TPM1: variants seen among roughly 807,000 people sequenced by gnomAD.
The protein encoded by TPM1 is tropomyosin 1, also known as tropomyosin alpha-1 chain.
In TPM1, 24 loss-of-function variants were observed where a neutral mutation model predicts 42.9. The ratio of observed to expected loss-of-function variants is 0.56; its 90% CI spans 0.41 to 0.79. TPM1 has a LOEUF of 0.79. TPM1 is among the 30% of genes least tolerant of loss of function. TPM1 has a pLI of 0.00. For missense variants in TPM1, 158 were observed against 351.8 expected (o/e 0.45, Z 4.41); for synonymous variants, 136 against 130.1 (o/e 1.05, Z -0.31).
chr15:63,049,705 C>T (rs1447862538), intron 2 of TPM1, among the ~76,000 whole-genome samples: 2 of 152,262 alleles, frequency 1.3e-5, no homozygotes, highest in African/African-American at 2.4e-5. Flanking sequence ...TGGCTGGCCA[C>T]AGAAACTTCA....
downstream of TPM1, among the ~76,000 whole-genome samples, chr15:63,067,326 A>G (rs951589228): frequency 3.3e-5 from 5 of 152,202 alleles, no homozygotes; most frequent in Admixed American, 6.5e-5. Flanking sequence ...AATCTGGACA[A>G]TGTCTCTCCC....
At chr15:63,059,788 C>A in intron 4 of TPM1, 108 bp downstream of exon 4, 2 of 787,558 alleles carry the variant, frequency 2.5e-6, no homozygotes, top group Non-Finnish European at 4.3e-6. Context: ...GCTTTGTTGG[C>A]AGAAATGGGT....
intron 1 of TPM1, 117 bp downstream of exon 1, chr15:63,043,060 CCCAGGGCGG>C: frequency 1.1e-6 from 1 of 887,070 alleles, no homozygotes; most frequent in Non-Finnish European, 1.8e-6. Context: ...CCCACCACCA[CCCAGGGCGG>C]CCAGGGCGCG....
rs2140966175 is a variant in TPM1, at chr15:63,061,920, A to G, written c.639+132A>G. ...ATTGTGAGGTGATTTTTGGAGAGTT[A>G]CTAGATAACAAATTCTTTTTTTTAA... is the stretch of plus-strand genomic sequence containing the variant. On this transcript the variant is annotated intron_variant, in intron 6 of 9. Transcript: ENST00000403994. 6.2e-6 allele frequency: 5 copies of G among 804,834 alleles called. No homozygotes were observed. The South Asian group carries it at 7.8e-5, about 13-fold the overall frequency. The allele number at this position is 804,834 out of a possible 1,614,324, so 49.9% of individuals were successfully genotyped here. A position where few individuals can be genotyped will look rare whatever the true frequency, so the allele number is the denominator to read the frequency against.
chr15:63,059,696 C>T lies in TPM1; in HGVS notation c.492+16C>T. On this transcript the variant is annotated intron_variant, in intron 4 of 9. Transcript: ENST00000403994. ...ATATGAAGAGGTCAGATCCTGGGGC[C>T]CAAAGCCTTGTGGACACCCAGCAGT... is the stretch of plus-strand genomic sequence containing the variant. 4 of 1,585,892 alleles carry T rather than the reference C, an allele frequency of 2.5e-6. No individual in the cohort carries two copies. The highest frequency in any genetic ancestry group is 3.5e-6 in the Non-Finnish European group (4 of 1,157,170).
chr15:63,052,280 T>C (rs1030049999), intron 2 of TPM1, among the ~76,000 whole-genome samples: 2 of 152,212 alleles, frequency 1.3e-5, no homozygotes, highest in African/African-American at 2.4e-5. Flanking sequence ...CCCAACACTT[T>C]GGGCGGCCGA....
intron 2 of TPM1, among the ~76,000 whole-genome samples, chr15:63,050,218 C>G (rs2033569157): frequency 6.6e-6 from 1 of 152,230 alleles, no homozygotes; most frequent in South Asian, 2.1e-4. Context: ...CAGTTCCCCA[C>G]CCAGCAAGAG....
intron 2 of TPM1, chr15:63,048,243 C>T (rs751359181): frequency 8.1e-6 from 4 of 492,218 alleles, no homozygotes; most frequent in East Asian, 6.5e-5. Flanking sequence ...GCAGTGGCCT[C>T]CCGGAGCGCC....
chr15:63,061,141 C>T, intron 5 of TPM1: 2 of 1,571,914 alleles, frequency 1.3e-6, no homozygotes, highest in Non-Finnish European at 1.8e-6. Flanking sequence ...CACTGCATGC[C>T]TTACCTGCAC....
At chr15:63,070,787 G>A (rs1012190283), downstream of TPM1, 1 of 1,210,376 alleles carries the variant, frequency 8.3e-7, no homozygotes, top group African/African-American at 1.6e-5. Context: ...ACCTCTCCCT[G>A]TTCCCACGGC....
downstream of TPM1, among the ~76,000 whole-genome samples, chr15:63,068,836 A>T (rs1341624248): frequency 6.6e-6 from 1 of 152,190 alleles, no homozygotes; most frequent in East Asian, 1.9e-4. Flanking sequence ...CCACACATGA[A>T]TGCCATCCTC....
chr15:63,057,263 T>G (rs1194023529), intron 3 of TPM1, 145 bp downstream of exon 3: 6 of 1,183,852 alleles, frequency 5.1e-6, no homozygotes, highest in Non-Finnish European at 4.8e-6. Flanking sequence ...TATAACTCGG[T>G]TGGTTTTGTT....
At chr15:63,066,764 T>A (rs2141018126), downstream of TPM1, among the ~76,000 whole-genome samples, 1 of 152,388 alleles carries the variant, frequency 6.6e-6, no homozygotes. Flanking sequence ...TAAATATGAT[T>A]ACTCTGTTTA....
chr15:63,065,801 A>C (rs1448205954), intron 9 of TPM1, 95 bp from the exon 10 acceptor site: 4 of 1,450,122 alleles, frequency 2.8e-6, no homozygotes, highest in Non-Finnish European at 3.7e-6. Context: ...TCTGTGTTTC[A>C]AGTGCTCTCA....
At position 63,064,088 on chromosome 15, in the gene TPM1, A is replaced by G. The variant is rs371934474; in HGVS notation, c.797A>G (p.Lys266Arg). 3.7e-5 allele frequency: 59 copies of G among 1,614,132 alleles called. No homozygotes were observed. In the African/African-American group the frequency reaches 6.8e-4, roughly 19 times the overall value. The change falls in exon 9 of 10, where the codon AAG (lysine) becomes AGG (arginine). Residue 266 changes from lysine (K) to arginine (R), a missense_variant. Lys to Arg is a conservative substitution (Grantham distance 26). This residue lies in a region of TPM1 where 64 missense variants were observed against 95.8 expected (regional missense o/e 0.67). Coordinates refer to ENST00000403994, the MANE Select transcript of TPM1 (RefSeq NM_001018005.2). ...LEDELYAQKLKYKAISEELDH... is the reference protein window; with the variant it reads ...LEDELYAQKLRYKAISEELDH... ...GACGAGCTGTACGCTCAGAAACTGA[A>G]GTACAAAGCCATCAGCGAGGAGCTG...
At chr15:63,062,011 A>G in intron 6 of TPM1, 1 of 673,338 alleles carries the variant, frequency 1.5e-6, no homozygotes, top group Non-Finnish European at 2.6e-6. Flanking sequence ...TGCCAAGTGG[A>G]TAAGTTATCT....
downstream of TPM1, among the ~76,000 whole-genome samples, chr15:63,067,056 A>G (rs1258395159): frequency 6.6e-6 from 1 of 152,180 alleles, no homozygotes; most frequent in Non-Finnish European, 1.5e-5. Context: ...TAGTGTTATA[A>G]TTCCCAACAT....
chr15:63,064,230 T>TC, intron 9 of TPM1, 88 bp downstream of exon 9: 1 of 1,558,020 alleles, frequency 6.4e-7, no homozygotes. Flanking sequence ...CTCCCTAATC[T>TC]CCATCTTTGC....
intron 9 of TPM1, 32 bp downstream of exon 9, chr15:63,064,174 C>T: frequency 6.2e-7 from 1 of 1,607,652 alleles, no homozygotes; most frequent in Non-Finnish European, 8.5e-7. Context: ...CTGCTTACAC[C>T]CTGCCCTCAT....
Sources: allele counts gnomAD v4.1 joint callset (sites outside exome capture counted in the v4.1 genomes callset), GRCh38; gene constraint gnomAD v4.1.1; regional missense constraint gnomAD v4.1.1; transcripts MANE v1.5; gene names NCBI Gene and HGNC (gene_info 2026-07-23, HGNC 2026-07-21).